The following ANKRD45 variants were observed in gnomAD, a reference collection of about 807,000 sequenced individuals.
ANKRD45 encodes ankyrin repeat domain-containing protein 45.
A neutral mutation model predicts 28.1 loss-of-function variants in ANKRD45; 21 were observed. The ratio of observed to expected loss-of-function variants is 0.75; its 90% CI spans 0.53 to 1.08. The LOEUF (loss-of-function observed/expected upper bound fraction) is 1.08, where lower values mean the gene tolerates loss of function less well. Among genes scored for constraint, ANKRD45 ranks in the 50% least tolerant of loss-of-function variants. The probability of loss-of-function intolerance (pLI) is 0.00; values close to 1 mark genes in which losing one functional copy is unlikely to be tolerated. For missense variants in ANKRD45, 261 were observed against 308.7 expected, an observed-to-expected ratio of 0.85 and a Z score of 1.16; for synonymous variants, 86 against 103.9, an observed-to-expected ratio of 0.83 and a Z score of 1.05.
chr1:173,638,616 C>A (rs1225456985), intron 3 of ANKRD45, among the ~76,000 whole-genome samples: 2 of 152,110 alleles, frequency 1.3e-5, no homozygotes, highest in Non-Finnish European at 2.9e-5. Context: ...AAGATAAACA[C>A]CTGTGGCTAC....
chr1:173,616,303 T>A (rs1667466397), intron 5 of ANKRD45, among the ~76,000 whole-genome samples: 1 of 151,752 alleles, frequency 6.6e-6, no homozygotes, highest in Admixed American at 6.6e-5. Flanking sequence ...AGGGCAGCCA[T>A]CCTAACCCAA....
rs761682461 is a variant in ANKRD45, at chr1:173,609,380, C to T, written c.*765G>A. 2.2e-4 allele frequency among the ~76,000 whole-genome samples: 34 copies of T among 152,060 alleles called. No homozygotes were observed. Among genetic ancestry groups the T allele is most frequent in the Non-Finnish European group, 4.3e-4 (29 of 68,006 alleles). On this transcript the variant is annotated 3_prime_UTR_variant, in exon 6 of 6. Transcript: ENST00000333279. ...ATAAAACTTTTCCATAAAGTCACAACGTAAGAGAAGGTTGAGGCGCCTGAT... is the reference window on the plus strand; with the variant it reads ...ATAAAACTTTTCCATAAAGTCACAATGTAAGAGAAGGTTGAGGCGCCTGAT...
the ANKRD45 span, among the ~76,000 whole-genome samples, chr1:173,697,604 C>G: frequency 1.3e-5 from 2 of 152,152 alleles, no homozygotes; most frequent in African/African-American, 2.4e-5. Context: ...CCTTTACAGA[C>G]AAGCAAATGC....
At chr1:173,682,411 C>T in the ANKRD45 span, among the ~76,000 whole-genome samples, 3 of 152,030 alleles carry the variant, frequency 2.0e-5, no homozygotes, top group African/African-American at 7.2e-5. Flanking sequence ...TTGAGACAAA[C>T]TTGTCTGTTT....
chr1:173,655,756 A>G (rs1005369036), intron 2 of ANKRD45, among the ~76,000 whole-genome samples: 4 of 152,114 alleles, frequency 2.6e-5, no homozygotes, highest in African/African-American at 9.7e-5. Context: ...GGTGGGCTCC[A>G]CCCAGTTCGA....
At chr1:173,638,121 A>G (rs1484528828) in intron 3 of ANKRD45, among the ~76,000 whole-genome samples, 1 of 143,686 alleles carries the variant, frequency 7.0e-6, no homozygotes, top group East Asian at 2.2e-4. Flanking sequence ...TGTGTGAACG[A>G]CTACCAGTCT....
rs373490163 is a variant in ANKRD45 at position 173,635,885 on chromosome 1, T to A, written c.497-8726A>T. On this transcript the variant is annotated intron_variant, in intron 3 of 5. Transcript: ENST00000333279. ...CAAGTAGTAATAGTTACAAAATCTC[T>A]AAGGGTTTAGAACATAATATTACTA... The A allele has an allele frequency of 2.1e-5, 30 of 1,397,062 alleles. No individual in the cohort carries two copies. In the East Asian group the frequency reaches 3.0e-4, roughly 14 times the overall value. The allele number at this position is 1,397,062 out of a possible 1,614,324, so 86.5% of individuals were successfully genotyped here.
the ANKRD45 span, among the ~76,000 whole-genome samples, chr1:173,683,206 G>A: frequency 7.4e-3 from 1,120 of 152,246 alleles, 12 homozygotes; most frequent in African/African-American, 0.024. Flanking sequence ...GTGAAATTAA[G>A]ACCAGCTGGT....
chr1:173,610,749 G>A (rs1286820050), intron 5 of ANKRD45, among the ~76,000 whole-genome samples: 2 of 151,654 alleles, frequency 1.3e-5, no homozygotes, highest in Non-Finnish European at 2.9e-5. Context: ...TTGAACCCAG[G>A]AATTCAAGTT....
intron 3 of ANKRD45, among the ~76,000 whole-genome samples, chr1:173,634,981 T>C (rs1316033842): frequency 6.6e-6 from 1 of 152,036 alleles, no homozygotes; most frequent in East Asian, 1.9e-4. Flanking sequence ...TGCTGGGTTA[T>C]GTGAAGTGGT....
At chr1:173,617,554 C>T (rs1667517334) in intron 5 of ANKRD45, among the ~76,000 whole-genome samples, 1 of 152,234 alleles carries the variant, frequency 6.6e-6, no homozygotes, top group Non-Finnish European at 1.5e-5. Context: ...CCAATGCATC[C>T]CCCTTCACTG....
At chr1:173,683,299 T>G in the ANKRD45 span, among the ~76,000 whole-genome samples, 1 of 152,014 alleles carries the variant, frequency 6.6e-6, no homozygotes, top group East Asian at 1.9e-4. Context: ...TCTACCATCC[T>G]AACAGCAGGA....
chr1:173,669,224 C>T lies in ANKRD45; in HGVS notation c.-16+593G>A, dbSNP rs534169245. Among the ~76,000 whole-genome samples, 4 of 152,018 alleles carry T rather than the reference C, an allele frequency of 2.6e-5. No homozygotes were observed. In the East Asian group the frequency reaches 7.7e-4, roughly 29 times the overall value. On this transcript the variant is annotated intron_variant, in intron 1 of 5. Transcript: ENST00000333279. ...GGGTGGCGGTCTCAGAAAGTTTTCC[C>T]AGAAGAGGTGAAACCTCGATAGTGA...
At chr1:173,694,629 T>C in the ANKRD45 span, among the ~76,000 whole-genome samples, 14 of 151,574 alleles carry the variant, frequency 9.2e-5, no homozygotes, top group Non-Finnish European at 1.9e-4. Context: ...AATTGTATAG[T>C]GGTGAATCTG....
chr1:173,655,004 T>A (rs1458269431), intron 2 of ANKRD45, among the ~76,000 whole-genome samples: 1 of 152,208 alleles, frequency 6.6e-6, no homozygotes, highest in Admixed American at 6.5e-5. Context: ...CGTCTAATCT[T>A]CTTTCAAGGT....
At chr1:173,700,916 CT>C in the ANKRD45 span, among the ~76,000 whole-genome samples, 3 of 152,338 alleles carry the variant, frequency 2.0e-5, no homozygotes, top group Non-Finnish European at 4.4e-5. Context: ...TTTTTGCAAT[CT>C]ACCCATCTGA....
upstream of ANKRD45, among the ~76,000 whole-genome samples, chr1:173,671,881 C>CAA (rs1174957908): frequency 0.02 from 1,882 of 92,712 alleles, 41 homozygotes; most frequent in African/African-American, 0.07. Flanking sequence ...GACTCCGTCT[C>CAA]AAAAAAAAAA....
chr1:173,641,243 G>A (rs973636338), intron 3 of ANKRD45, among the ~76,000 whole-genome samples: 2 of 152,180 alleles, frequency 1.3e-5, no homozygotes, highest in Admixed American at 6.5e-5. Flanking sequence ...AAATAAAAGC[G>A]ATTGTTACGC....
chr1:173,682,816 G>T, the ANKRD45 span, among the ~76,000 whole-genome samples: 18 of 151,918 alleles, frequency 1.2e-4, no homozygotes, highest in East Asian at 2.3e-3. Context: ...TTTCAACTAG[G>T]ACAAATTGCT....
Sources: gnomAD v4.1 joint callset for allele counts (sites outside exome capture counted in the v4.1 genomes callset) on GRCh38, gnomAD v4.1.1 for gene constraint, MANE v1.5 for transcripts, NCBI Gene and HGNC (gene_info 2026-07-23, HGNC 2026-07-21) for gene names.